The following IQCM variants were observed in gnomAD, a reference collection of about 807,000 sequenced individuals.
The protein encoded by IQCM is IQ domain-containing protein M.
In IQCM, 45 loss-of-function variants were observed where a neutral mutation model predicts 57.6. That is an observed-to-expected ratio of 0.78 (90% CI 0.62 to 1.00). IQCM has a LOEUF of 1.00. Ranked by LOEUF, IQCM falls within the 50% of genes least tolerant of loss-of-function variation. The pLI is 0.00. For synonymous variants in IQCM, 148 were observed against 158.9 expected, an observed-to-expected ratio of 0.93 and a Z score of 0.51; for missense variants, 468 against 511.6, an observed-to-expected ratio of 0.91 and a Z score of 0.82.
At chr4:149,734,035 G>C (rs1277089063) in intron 4 of IQCM, among the ~76,000 whole-genome samples, 2 of 151,886 alleles carry the variant, frequency 1.3e-5, no homozygotes, top group African/African-American at 4.8e-5. Flanking sequence ...AATCATAATT[G>C]CTTCTTTATT....
chr4:149,813,717 T>C (rs1274264456), intron 2 of IQCM, among the ~76,000 whole-genome samples: 1 of 152,116 alleles, frequency 6.6e-6, no homozygotes, highest in Non-Finnish European at 1.5e-5. Flanking sequence ...CATCTTTATA[T>C]TGAGCTAGAA....
At chr4:149,753,693 C>T (rs1182178475) in intron 2 of IQCM, among the ~76,000 whole-genome samples, 1 of 150,692 alleles carries the variant, frequency 6.6e-6, no homozygotes. Flanking sequence ...AACAAACCTG[C>T]ACGTTGTGCC....
intron 8 of IQCM, among the ~76,000 whole-genome samples, chr4:149,607,607 T>C (rs1754908907): frequency 6.6e-6 from 1 of 151,872 alleles, no homozygotes; most frequent in East Asian, 1.9e-4. Context: ...AAAAGATAAA[T>C]AGAGATAACA....
intron 13 of IQCM, among the ~76,000 whole-genome samples, chr4:149,430,926 G>T (rs987034553): frequency 9.2e-5 from 14 of 151,606 alleles, no homozygotes; most frequent in Non-Finnish European, 1.9e-4. Context: ...TTGACCAGGC[G>T]CAGTAGCTCA....
At chr4:149,684,168 T>C (rs188423331) in intron 6 of IQCM, among the ~76,000 whole-genome samples, 47 of 151,528 alleles carry the variant, frequency 3.1e-4, no homozygotes, top group African/African-American at 1.1e-3. Flanking sequence ...AGTATTTTAA[T>C]GTAGGGAAAT....
intron 8 of IQCM, among the ~76,000 whole-genome samples, chr4:149,604,487 C>A (rs1388520428): frequency 6.6e-6 from 1 of 152,060 alleles, no homozygotes; most frequent in Non-Finnish European, 1.5e-5. Context: ...AAACATTTTA[C>A]CTGATCATTT....
chr4:149,787,918 C>T (rs961926860), intron 2 of IQCM, among the ~76,000 whole-genome samples: 1 of 152,132 alleles, frequency 6.6e-6, no homozygotes. Context: ...AAAATATTTG[C>T]ACACTATTTG....
At chr4:149,392,537 T>C (rs1283182079) in intron 13 of IQCM, among the ~76,000 whole-genome samples, 1 of 152,038 alleles carries the variant, frequency 6.6e-6, no homozygotes, top group Non-Finnish European at 1.5e-5. Context: ...TAGGAAGATT[T>C]TTTTTTCATT....
At chr4:149,723,791 T>C (rs1277312303) in intron 5 of IQCM, among the ~76,000 whole-genome samples, 1 of 152,082 alleles carries the variant, frequency 6.6e-6, no homozygotes, top group African/African-American at 2.4e-5. Context: ...ACCAGGGTGA[T>C]ACTGGCTTCA....
intron 12 of IQCM, among the ~76,000 whole-genome samples, chr4:149,487,365 T>A (rs1404888402): frequency 6.6e-6 from 1 of 152,284 alleles, no homozygotes. Context: ...GGATTCACTT[T>A]CATTGTTGCA....
chr4:149,753,527 T>C (rs1332575689), intron 2 of IQCM, among the ~76,000 whole-genome samples: 3 of 151,342 alleles, frequency 2.0e-5, no homozygotes, highest in Admixed American at 6.6e-5. Context: ...TTCCCAGAAG[T>C]TGATGAAATG....
chr4:149,602,148 A>G (rs899830850), intron 8 of IQCM, among the ~76,000 whole-genome samples: 1 of 152,126 alleles, frequency 6.6e-6, no homozygotes, highest in Non-Finnish European at 1.5e-5. Context: ...AACTATTTAC[A>G]TGCTATTTAC....
intron 9 of IQCM, among the ~76,000 whole-genome samples, chr4:149,583,381 T>C (rs375995219): frequency 1.3e-5 from 2 of 151,610 alleles, no homozygotes; most frequent in Admixed American, 6.6e-5. Flanking sequence ...TCTGAACTTA[T>C]CACAATCACA....
At chr4:149,794,866 G>T (rs988718306) in intron 2 of IQCM, among the ~76,000 whole-genome samples, 2 of 151,986 alleles carry the variant, frequency 1.3e-5, no homozygotes, top group Non-Finnish European at 2.9e-5. Flanking sequence ...AAAACTTTAA[G>T]ACCTACAAAG....
At chr4:149,513,606 T>A (rs1744640565) in intron 12 of IQCM, among the ~76,000 whole-genome samples, 1 of 152,164 alleles carries the variant, frequency 6.6e-6, no homozygotes, top group Non-Finnish European at 1.5e-5. Flanking sequence ...GAAGTAAAAA[T>A]CATGGTGGAG....
At chr4:149,499,828 A>C (rs577413353) in intron 12 of IQCM, among the ~76,000 whole-genome samples, 1 of 152,232 alleles carries the variant, frequency 6.6e-6, no homozygotes, top group African/African-American at 2.4e-5. Flanking sequence ...ACAGAAAGTC[A>C]GTTGTGATTA....
intron 11 of IQCM, among the ~76,000 whole-genome samples, chr4:149,552,772 AG>A (rs1451293649): frequency 6.6e-6 from 1 of 152,174 alleles, no homozygotes; most frequent in African/African-American, 2.4e-5. Context: ...AGCAACAAAG[AG>A]TCTTTAAGTG....
intron 8 of IQCM, among the ~76,000 whole-genome samples, chr4:149,591,739 G>A (rs1490969873): frequency 6.6e-6 from 1 of 152,226 alleles, no homozygotes; most frequent in Middle Eastern, 3.4e-3. Context: ...TGCTGAGAAT[G>A]ATGGTTTCCA....
At chr4:149,610,925 C>T (rs950943311) in intron 8 of IQCM, among the ~76,000 whole-genome samples, 1 of 151,926 alleles carries the variant, frequency 6.6e-6, no homozygotes. Flanking sequence ...AAAGTAGAGA[C>T]AGCCAACGAA....
Sources: gnomAD v4.1 joint callset for allele counts (sites outside exome capture counted in the v4.1 genomes callset) on GRCh38, gnomAD v4.1.1 for gene constraint, MANE v1.5 for transcripts, NCBI Gene and HGNC (gene_info 2026-07-23, HGNC 2026-07-21) for gene names.